SCN2A: variants seen among roughly 807,000 people sequenced by gnomAD.
SCN2A encodes the protein sodium channel protein type 2 subunit alpha.
SCN2A carries 20 observed loss-of-function variants against 188.7 expected under a neutral mutation model. The ratio of observed to expected loss-of-function variants is 0.11; its 90% CI spans 0.07 to 0.15. The LOEUF is 0.15. Among genes scored for constraint, SCN2A ranks in the 10% least tolerant of loss-of-function variants. The pLI, the probability that SCN2A is intolerant of heterozygous loss-of-function variation, is 1.00. For synonymous variants in SCN2A, 804 were observed against 833.1 expected (o/e 0.97, Z 0.60); for missense variants, 1,278 against 2,445.0 (o/e 0.52, Z 10.07).
intron 22 of SCN2A, among the ~76,000 whole-genome samples, chr2:165,376,044 C>G (rs548775954): frequency 1.3e-4 from 20 of 151,806 alleles, no homozygotes; most frequent in African/African-American, 4.1e-4. Flanking sequence ...TCACCAGGGG[C>G]TGGGGGATGA....
At chr2:165,341,734 A>T (rs989689714) in intron 14 of SCN2A, among the ~76,000 whole-genome samples, 2 of 152,230 alleles carry the variant, frequency 1.3e-5, no homozygotes, top group African/African-American at 4.8e-5. Flanking sequence ...GGCTGAGGTT[A>T]TGTGCAGAAG....
intron 25 of SCN2A, among the ~76,000 whole-genome samples, chr2:165,386,030 C>G (rs1401454609): frequency 1.3e-5 from 2 of 152,082 alleles, no homozygotes; most frequent in African/African-American, 4.8e-5. Flanking sequence ...CATTTGAATA[C>G]AGTTGAATAT....
At chr2:165,327,424 A>C (rs1368050377) in intron 13 of SCN2A, 1 of 191,754 alleles carries the variant, frequency 5.2e-6, no homozygotes, top group Non-Finnish European at 1.1e-5. Context: ...CTTGAAGCAA[A>C]GTGTTTAAAA....
chr2:165,252,361 A>G (rs1296201523), intron 1 of SCN2A, among the ~76,000 whole-genome samples: 1 of 152,090 alleles, frequency 6.6e-6, no homozygotes, highest in African/African-American at 2.4e-5. Flanking sequence ...TGAAAAATCT[A>G]TCTGCTGTCT....
At chr2:165,276,201 A>C (rs552378593) in intron 1 of SCN2A, among the ~76,000 whole-genome samples, 1 of 152,242 alleles carries the variant, frequency 6.6e-6, no homozygotes, top group African/African-American at 2.4e-5. Flanking sequence ...TAGTAATAAG[A>C]GTTCTTCAAA....
rs187876695 is a variant in SCN2A at position 165,261,438 on chromosome 2, G to A, written c.-52+21798G>A. ...TGTCTTCTCATTCAGAAGGCCAGAGGTTGCTAAATACTCCAGTTCTGAATT... is the reference window on the plus strand; with the variant it reads ...TGTCTTCTCATTCAGAAGGCCAGAGATTGCTAAATACTCCAGTTCTGAATT... On this transcript the variant is annotated intron_variant, in intron 1 of 26. Coordinates refer to ENST00000375437, the MANE Select transcript of SCN2A (RefSeq NM_001040142.2). Among the ~76,000 whole-genome samples the A allele has an allele frequency of 3.5e-3, 528 of 152,280 alleles. 3 individuals are homozygous for A. The highest frequency in any genetic ancestry group is 0.012 in the African/African-American group (503 of 41,560).
At chr2:165,305,983 T>G (rs921386326) in intron 3 of SCN2A, among the ~76,000 whole-genome samples, 2 of 151,852 alleles carry the variant, frequency 1.3e-5, no homozygotes, top group Middle Eastern at 3.2e-3. Flanking sequence ...AAGAGAGAGA[T>G]AAGAGATTGC....
intron 1 of SCN2A, among the ~76,000 whole-genome samples, chr2:165,250,286 A>C (rs1009321620): frequency 6.6e-6 from 1 of 152,054 alleles, no homozygotes; most frequent in Non-Finnish European, 1.5e-5. Flanking sequence ...CAACATAACT[A>C]TGTCCTACTT....
At chr2:165,387,442 T>C (rs1361989178) in intron 26 of SCN2A, among the ~76,000 whole-genome samples, 1 of 152,198 alleles carries the variant, frequency 6.6e-6, no homozygotes, top group Non-Finnish European at 1.5e-5. Context: ...TGGAATAGTG[T>C]ATATGTGCAG....
intron 24 of SCN2A, 72 bp from the exon 25 acceptor site, chr2:165,381,021 C>T (rs1254657227): frequency 2.8e-6 from 3 of 1,061,284 alleles, no homozygotes; most frequent in Admixed American, 2.1e-5. Flanking sequence ...CCAATTTTCA[C>T]ATGATTACTA....
rs1696542926 is a variant in SCN2A at position 165,296,933 on chromosome 2, A to T, written c.268-84A>T. 5.2e-6 allele frequency: 4 copies of T among 766,246 alleles called. No individual in the cohort carries two copies. In the South Asian group the frequency reaches 6.4e-5, roughly 12 times the overall value. 47.5% of individuals were successfully genotyped at this position (766,246 alleles called of 1,614,324 possible). Reference sequence around the variant, plus strand: ...TACACTATTTTACAGGGCAATATTTATAAATAATGGTTTTACTTTTCTCTT... The same window carrying T: ...TACACTATTTTACAGGGCAATATTTTTAAATAATGGTTTTACTTTTCTCTT... On this transcript the variant is annotated intron_variant, in intron 2 of 26. Coordinates refer to ENST00000375437, the MANE Select transcript of SCN2A (RefSeq NM_001040142.2).
intron 1 of SCN2A, among the ~76,000 whole-genome samples, chr2:165,288,875 A>C (rs1695974985): frequency 6.6e-6 from 1 of 152,142 alleles, no homozygotes; most frequent in African/African-American, 2.4e-5. Context: ...CTGAAAAATA[A>C]GTATTCAAAT....
At chr2:165,347,206 T>C (rs1699640746) in intron 16 of SCN2A, among the ~76,000 whole-genome samples, 1 of 152,166 alleles carries the variant, frequency 6.6e-6, no homozygotes, top group Admixed American at 6.5e-5. Flanking sequence ...TGCCCATCAA[T>C]GATAGACTGG....
chr2:165,361,605 G>T lies in SCN2A; in HGVS notation c.3400-3538G>T, dbSNP rs1041901089. On this transcript the variant is annotated intron_variant, in intron 17 of 26. Coordinates refer to ENST00000375437, the MANE Select transcript of SCN2A (RefSeq NM_001040142.2). ...GATCAATGTGCTGCCTAGATTCTTT[G>T]TTATTTGTAAATCAAGTACCACAAG... Among the ~76,000 whole-genome samples the T allele has an allele frequency of 5.9e-5, 9 of 151,944 alleles. 1 individual carries two copies. Among genetic ancestry groups the T allele is most frequent in the Admixed American group, 5.3e-4 (8 of 15,230 alleles).
chr2:165,305,961 T>G (rs993536708), intron 3 of SCN2A, among the ~76,000 whole-genome samples: 6 of 151,968 alleles, frequency 3.9e-5, no homozygotes, highest in Admixed American at 1.3e-4. Context: ...TGGGAGCCAT[T>G]AAGGATAAGA....
chr2:165,338,520 A>G (rs547244665), intron 14 of SCN2A, among the ~76,000 whole-genome samples: 2 of 152,214 alleles, frequency 1.3e-5, no homozygotes, highest in African/African-American at 4.8e-5. Context: ...TCGGCCTCCC[A>G]AAGTGCTGGG....
At chr2:165,374,619 T>A in intron 21 of SCN2A, 66 bp from the exon 22 acceptor site, 1 of 1,531,844 alleles carries the variant, frequency 6.5e-7, no homozygotes, top group Non-Finnish European at 9.0e-7. Context: ...CTTTTAATAA[T>A]GTTTAAAAAT....
intron 6 of SCN2A, 56 bp downstream of exon 6, chr2:165,309,499 C>T: frequency 6.2e-7 from 1 of 1,601,404 alleles, no homozygotes; most frequent in Non-Finnish European, 8.6e-7. Context: ...GCTACAATCA[C>T]AGCTTTTGTG....
intron 25 of SCN2A, among the ~76,000 whole-genome samples, chr2:165,384,168 A>C (rs537374238): frequency 3.4e-4 from 51 of 152,222 alleles, no homozygotes; most frequent in African/African-American, 1.2e-3. Flanking sequence ...TGGAAATTAA[A>C]ATAATATGAA....
Sources: allele counts gnomAD v4.1 joint callset (sites outside exome capture counted in the v4.1 genomes callset), GRCh38; gene constraint gnomAD v4.1.1; transcripts MANE v1.5; gene names NCBI Gene and HGNC (gene_info 2026-07-23, HGNC 2026-07-21).